The following TRDN variants were observed in gnomAD, a reference collection of about 807,000 sequenced individuals.
TRDN encodes the protein triadin in skeletal muscle.
Under a neutral mutation model 149.7 loss-of-function variants are expected in TRDN, and 161 were observed. The observed-to-expected ratio is 1.08, with a 90% confidence interval of 0.95 to 1.23. The LOEUF (loss-of-function observed/expected upper bound fraction) is 1.23. Ranked by LOEUF, TRDN falls within the 50% of genes most tolerant of loss-of-function variation. The probability of loss-of-function intolerance (pLI) is 0.00; values close to 1 mark genes in which losing one functional copy is unlikely to be tolerated. For synonymous variants in TRDN, 294 were observed against 250.5 expected, an observed-to-expected ratio of 1.17 and a Z score of -1.64; for missense variants, 896 against 823.5, an observed-to-expected ratio of 1.09 and a Z score of -1.08.
chr6:123,575,688 A>G (rs908061294), intron 1 of TRDN, among the ~76,000 whole-genome samples: 1 of 151,914 alleles, frequency 6.6e-6, no homozygotes, highest in African/African-American at 2.4e-5. Context: ...TGGCCATGCG[A>G]CTCTTTCCTA....
chr6:123,593,529 T>A (rs1286485325), intron 1 of TRDN, among the ~76,000 whole-genome samples: 1 of 152,202 alleles, frequency 6.6e-6, no homozygotes, highest in African/African-American at 2.4e-5. Context: ...GAAATCAAAG[T>A]ATTGATAGGG....
chr6:123,453,761 A>G (rs1480947004), intron 10 of TRDN, among the ~76,000 whole-genome samples: 2 of 152,112 alleles, frequency 1.3e-5, no homozygotes, highest in Admixed American at 1.3e-4. Flanking sequence ...CTGAGTATCT[A>G]CCCAAAGGAA....
intron 26 of TRDN, among the ~76,000 whole-genome samples, chr6:123,275,773 T>C (rs935377291): frequency 1.3e-5 from 2 of 152,122 alleles, no homozygotes; most frequent in African/African-American, 4.8e-5. Context: ...TGATGAGGGC[T>C]CAGAAAGAAC....
intron 24 of TRDN, among the ~76,000 whole-genome samples, chr6:123,287,500 T>A (rs929196632): frequency 3.3e-5 from 5 of 152,184 alleles, no homozygotes; most frequent in South Asian, 2.1e-4. Context: ...TTGCTTTTTT[T>A]AAGAGCATTC....
At chr6:123,631,349 G>T (rs1013236005) in intron 1 of TRDN, among the ~76,000 whole-genome samples, 1 of 151,746 alleles carries the variant, frequency 6.6e-6, no homozygotes, top group African/African-American at 2.4e-5. Flanking sequence ...GACTTCTTAG[G>T]CTTTCAAATT....
chr6:123,334,018 T>G (rs1419865515), intron 22 of TRDN, among the ~76,000 whole-genome samples: 1 of 152,046 alleles, frequency 6.6e-6, no homozygotes, highest in Non-Finnish European at 1.5e-5. Context: ...GATTTTCCAC[T>G]GCCTTACACT....
At chr6:123,619,612 A>G (rs1785277179) in intron 1 of TRDN, among the ~76,000 whole-genome samples, 2 of 152,170 alleles carry the variant, frequency 1.3e-5, no homozygotes, top group Admixed American at 6.5e-5. Flanking sequence ...GGAAAAGTAG[A>G]CCTCACCTCT....
At position 123,447,559 on chromosome 6, in the gene TRDN, C is replaced by T. The variant is rs535997463; in HGVS notation, c.932-8556G>A. Reference sequence around the variant, plus strand: ...TGGATAGCACGTGTTATTATAAATGCCAGCTGAAGGAACTGAGGTACAGTC... The same window carrying T: ...TGGATAGCACGTGTTATTATAAATGTCAGCTGAAGGAACTGAGGTACAGTC... On this transcript the variant is annotated intron_variant, in intron 10 of 40. Transcript: ENST00000334268. 5.3e-4 allele frequency among the ~76,000 whole-genome samples: 81 copies of T among 152,196 alleles called. 1 individual carries two copies. Among genetic ancestry groups the T allele is most frequent in the Admixed American group, 9.2e-4 (14 of 15,292 alleles).
intron 5 of TRDN, among the ~76,000 whole-genome samples, chr6:123,524,833 T>C (rs189381248): frequency 5.9e-5 from 9 of 152,280 alleles, no homozygotes; most frequent in Non-Finnish European, 8.8e-5. Context: ...CCTGAAGATA[T>C]ACAAAAGTCT....
chr6:123,530,452 A>G, intron 5 of TRDN, 54 bp downstream of exon 5: 1 of 1,076,254 alleles, frequency 9.3e-7, no homozygotes, highest in Non-Finnish European at 1.2e-6. Flanking sequence ...CTCGCATATG[A>G]ATACACAAAA....
chr6:123,474,198 A>C (rs1583105103), intron 9 of TRDN, among the ~76,000 whole-genome samples: 1 of 152,114 alleles, frequency 6.6e-6, no homozygotes. Context: ...CAGGAAACCC[A>C]TCTCATATGC....
intron 38 of TRDN, among the ~76,000 whole-genome samples, chr6:123,241,388 T>C (rs1007337291): frequency 4.0e-5 from 6 of 151,470 alleles, no homozygotes; most frequent in Non-Finnish European, 7.4e-5. Context: ...AGAAAAAGAA[T>C]ATAAACTTTT....
At chr6:123,346,375 G>A (rs142476704) in intron 21 of TRDN, among the ~76,000 whole-genome samples, 4 of 151,908 alleles carry the variant, frequency 2.6e-5, no homozygotes, top group Admixed American at 6.6e-5. Context: ...TCTGGAATAC[G>A]TATAATTCTT....
intron 34 of TRDN, 25 bp downstream of exon 34, chr6:123,260,587 C>T: frequency 4.8e-6 from 7 of 1,463,044 alleles, no homozygotes; most frequent in East Asian, 2.6e-5. Flanking sequence ...TGTATCTTAT[C>T]TCCTCTGAAA....
intron 24 of TRDN, among the ~76,000 whole-genome samples, chr6:123,299,306 C>A (rs1449870315): frequency 6.6e-6 from 1 of 151,970 alleles, no homozygotes; most frequent in Non-Finnish European, 1.5e-5. Context: ...TCTTGATGGA[C>A]ATGGCTAAAG....
At chr6:123,359,876 T>C (rs1027140090) in intron 20 of TRDN, among the ~76,000 whole-genome samples, 4 of 152,124 alleles carry the variant, frequency 2.6e-5, no homozygotes, top group African/African-American at 9.7e-5. Context: ...TTCGTATTTT[T>C]AGTAGAGACG....
intron 1 of TRDN, among the ~76,000 whole-genome samples, chr6:123,606,516 C>G (rs1784535587): frequency 6.6e-6 from 1 of 151,924 alleles, no homozygotes; most frequent in Admixed American, 6.6e-5. Context: ...CATCATTAGG[C>G]TTTACATATA....
intron 24 of TRDN, among the ~76,000 whole-genome samples, chr6:123,292,755 A>AGG (rs1440005229): frequency 6.6e-6 from 1 of 152,154 alleles, no homozygotes. Context: ...CAGCTACAAA[A>AGG]GGGGGACACC....
chr6:123,308,866 T>C (rs1341186854), intron 24 of TRDN, among the ~76,000 whole-genome samples: 1 of 151,992 alleles, frequency 6.6e-6, no homozygotes, highest in Non-Finnish European at 1.5e-5. Context: ...TGTAACAAAA[T>C]GTCATTAGTA....
Sources: gnomAD v4.1 joint callset for allele counts (sites outside exome capture counted in the v4.1 genomes callset) on GRCh38, gnomAD v4.1.1 for gene constraint, MANE v1.5 for transcripts, NCBI Gene and HGNC (gene_info 2026-07-23, HGNC 2026-07-21) for gene names.